Variants in SLC35F1 observed in about 807,000 individuals in gnomAD.
The protein encoded by SLC35F1 is chromosome 6 open reading frame 169.
In SLC35F1, 14 loss-of-function variants were observed where a neutral mutation model predicts 48.7. The observed-to-expected ratio is 0.29, with a 90% confidence interval of 0.19 to 0.45. The LOEUF is 0.45. Ranked by LOEUF, SLC35F1 falls within the 20% of genes least tolerant of loss-of-function variation. SLC35F1 has a pLI of 1.00. For synonymous variants in SLC35F1, 190 were observed against 202.2 expected (o/e 0.94, Z 0.51); for missense variants, 404 against 500.0 (o/e 0.81, Z 1.83).
intron 1 of SLC35F1, among the ~76,000 whole-genome samples, chr6:118,024,307 CCTA>C: frequency 6.6e-6 from 1 of 152,240 alleles, no homozygotes; most frequent in Middle Eastern, 3.4e-3. Flanking sequence ...CCCAGTTCTT[CCTA>C]CTACATTTTC....
intron 1 of SLC35F1, among the ~76,000 whole-genome samples, chr6:118,152,228 C>T (rs1245114891): frequency 6.6e-6 from 1 of 152,134 alleles, no homozygotes; most frequent in Non-Finnish European, 1.5e-5. Flanking sequence ...CAAGGGAATG[C>T]AGACACAGAA....
At chr6:118,226,485 T>TACACAC (rs1233953929) in intron 2 of SLC35F1, among the ~76,000 whole-genome samples, 51,426 of 150,684 alleles carry the variant, frequency 0.34, 9,253 homozygotes, top group East Asian at 0.6. Flanking sequence ...GATGAATGGA[T>TACACAC]ACACACACAC....
intron 1 of SLC35F1, among the ~76,000 whole-genome samples, chr6:117,991,218 T>C (rs975805405): frequency 1.3e-5 from 2 of 152,146 alleles, no homozygotes; most frequent in Non-Finnish European, 2.9e-5. Flanking sequence ...TAAAGAAGTA[T>C]AACTGTGATA....
intron 1 of SLC35F1, among the ~76,000 whole-genome samples, chr6:118,008,525 T>A (rs1305256108): frequency 6.6e-6 from 1 of 152,228 alleles, no homozygotes; most frequent in East Asian, 1.9e-4. Context: ...AGTTACAGCA[T>A]GTGGCTGCCA....
chr6:118,272,737 G>GTGTATATATATATATATA (rs201515909), intron 4 of SLC35F1, among the ~76,000 whole-genome samples: 1 of 120,246 alleles, frequency 8.3e-6, no homozygotes, highest in African/African-American at 3.2e-5. Context: ...ATATGTGTGT[G>GTGTATATATATATATATA]TATATATATA....
rs551521201 is a variant in SLC35F1, at chr6:118,190,644, G to C, written c.349+36024G>C. 1.2e-3 allele frequency among the ~76,000 whole-genome samples: 180 copies of C among 152,208 alleles called. 5 individuals carry two copies. The South Asian group carries it at 0.021, about 17-fold the overall frequency. On this transcript the variant is annotated intron_variant, in intron 2 of 7. Coordinates refer to ENST00000360388, the MANE Select transcript of SLC35F1 (RefSeq NM_001029858.4). ...AAGAGAGACCATTTGACATTCTAGA[G>C]ATGGCTGCATGCAAATATTTAAGAC...
intron 1 of SLC35F1, among the ~76,000 whole-genome samples, chr6:117,950,730 C>T (rs574036212): frequency 1.6e-4 from 24 of 152,058 alleles, no homozygotes; most frequent in Non-Finnish European, 2.8e-4. Context: ...TCTGAAATAA[C>T]GTTTACAATT....
chr6:118,100,980 C>A (rs1447772993), intron 1 of SLC35F1, among the ~76,000 whole-genome samples: 1 of 152,134 alleles, frequency 6.6e-6, no homozygotes, highest in African/African-American at 2.4e-5. Context: ...AGGTTACCTC[C>A]CAGGAACTTG....
At chr6:118,286,537 A>G (rs964733746) in intron 7 of SLC35F1, among the ~76,000 whole-genome samples, 1 of 152,222 alleles carries the variant, frequency 6.6e-6, no homozygotes, top group Admixed American at 6.5e-5. Flanking sequence ...GTTAGTAGCT[A>G]GGAGGATCAG....
chr6:118,098,250 TC>T (rs1773206648), intron 1 of SLC35F1, among the ~76,000 whole-genome samples: 1 of 152,172 alleles, frequency 6.6e-6, no homozygotes, highest in South Asian at 2.1e-4. Flanking sequence ...ATTACCATCC[TC>T]CTACAATTAA....
chr6:118,304,092 T>A (rs1251732542), intron 7 of SLC35F1, among the ~76,000 whole-genome samples: 1 of 152,212 alleles, frequency 6.6e-6, no homozygotes, highest in African/African-American at 2.4e-5. Flanking sequence ...GGAAGTAAAG[T>A]GAATTGCTAG....
At chr6:118,192,616 T>C (rs1774747155) in intron 2 of SLC35F1, among the ~76,000 whole-genome samples, 1 of 152,170 alleles carries the variant, frequency 6.6e-6, no homozygotes, top group African/African-American at 2.4e-5. Flanking sequence ...TAACTTAACA[T>C]AATAACCATA....
chr6:117,963,726 A>G (rs1776526037), intron 1 of SLC35F1, among the ~76,000 whole-genome samples: 1 of 152,140 alleles, frequency 6.6e-6, no homozygotes, highest in African/African-American at 2.4e-5. Context: ...AGGAGGTTTT[A>G]TTGATGACCC....
At chr6:118,122,694 A>G (rs1462899849) in intron 1 of SLC35F1, among the ~76,000 whole-genome samples, 3 of 152,174 alleles carry the variant, frequency 2.0e-5, no homozygotes, top group Non-Finnish European at 4.4e-5. Flanking sequence ...TCATTCCCTC[A>G]TGAAGGAACT....
chr6:117,992,979 C>T (rs1259471939), intron 1 of SLC35F1, among the ~76,000 whole-genome samples: 1 of 152,214 alleles, frequency 6.6e-6, no homozygotes, highest in Non-Finnish European at 1.5e-5. Flanking sequence ...TGGAAGTGCA[C>T]TGAACATCTG....
At position 118,065,807 on chromosome 6, in the gene SLC35F1, A is replaced by G. The variant is rs561905134; in HGVS notation, c.174-88638A>G. ...TAGTAAAATTATGCTGTTAATTTGA[A>G]CTACTCATTTTTGCATAATTTTTAA... On this transcript the variant is annotated intron_variant, in intron 1 of 7. Transcript: ENST00000360388. Among the ~76,000 whole-genome samples the G allele has an allele frequency of 1.8e-3, 269 of 152,332 alleles. 1 individual carries two copies. The highest frequency in any genetic ancestry group is 6.2e-3 in the African/African-American group (259 of 41,582).
At chr6:118,195,240 T>C (rs1774785555) in intron 2 of SLC35F1, among the ~76,000 whole-genome samples, 1 of 152,210 alleles carries the variant, frequency 6.6e-6, no homozygotes, top group Admixed American at 6.5e-5. Context: ...TCTATTTCTT[T>C]GGATCAGGAT....
chr6:118,293,796 T>C (rs947462530), intron 7 of SLC35F1, among the ~76,000 whole-genome samples: 1 of 152,240 alleles, frequency 6.6e-6, no homozygotes, highest in Non-Finnish European at 1.5e-5. Flanking sequence ...CTTGCTAGTA[T>C]GTGATTTTAA....
chr6:118,092,424 G>A (rs1036298478), intron 1 of SLC35F1, among the ~76,000 whole-genome samples: 24 of 152,222 alleles, frequency 1.6e-4, no homozygotes, highest in African/African-American at 5.8e-4. Context: ...TTTGGTGCAT[G>A]GGCAAGGCCC....
Sources: allele counts gnomAD v4.1 joint callset (sites outside exome capture counted in the v4.1 genomes callset), GRCh38; gene constraint gnomAD v4.1.1; transcripts MANE v1.5; gene names NCBI Gene and HGNC (gene_info 2026-07-23, HGNC 2026-07-21).